XKRX: variants seen among roughly 807,000 people sequenced by gnomAD.
XKRX encodes XK related X-linked, also known as XK-related protein 2.
XKRX carries 11 observed loss-of-function variants against 22.4 expected under a neutral mutation model. The observed-to-expected ratio is 0.49, with a 90% CI of 0.31 to 0.81. XKRX has a LOEUF of 0.81. Among genes scored for constraint, XKRX ranks in the 40% least tolerant of loss-of-function variants. The pLI is 0.05. For synonymous variants in XKRX, 114 were observed against 132.2 expected (o/e 0.86, Z 0.94); for missense variants, 320 against 336.5 (o/e 0.95, Z 0.38).
At chrX:100,936,878 C>A in the XKRX span, among the ~76,000 whole-genome samples, 3 of 109,713 alleles carry the variant, frequency 2.7e-5, no homozygotes, top group Non-Finnish European at 5.7e-5. Context: ...CCCCACCCCC[C>A]ACACGTGGAA....
downstream of XKRX, among the ~76,000 whole-genome samples, chrX:100,912,202 G>A (rs141566772): frequency 4.4e-3 from 495 of 111,648 alleles, 5 homozygotes; most frequent in African/African-American, 0.016. Flanking sequence ...TCTTCTGGAG[G>A]TCTGATAGAT....
At chrX:100,957,451 C>T in the XKRX span, 2 of 1,191,404 alleles carry the variant, frequency 1.7e-6, no homozygotes, top group East Asian at 5.9e-5. Context: ...GCCTCTCGCT[C>T]CCACCTGGGA....
chrX:100,930,368 G>T (rs2085517545), upstream of XKRX, among the ~76,000 whole-genome samples: 1 of 110,007 alleles, frequency 9.1e-6, no homozygotes, highest in South Asian at 3.9e-4. Flanking sequence ...TCCTTTTGCT[G>T]CAGGAAGTCA....
At chrX:100,925,349 T>G (rs1294319472) in intron 1 of XKRX, among the ~76,000 whole-genome samples, 1 of 112,369 alleles carries the variant, frequency 8.9e-6, no homozygotes, top group Non-Finnish European at 1.9e-5. Context: ...CACCTTCATG[T>G]GCCTGATAAC....
rs1303193319 is a variant in XKRX at position 100,922,133 on chromosome X, C to T, written c.604+660G>A. Reference sequence around the variant, plus strand: ...CAGGCTTGAACCACCGTGCCCAGCCCACGCTCCTTTTCTTTCTCTCCACTG... The same window carrying T: ...CAGGCTTGAACCACCGTGCCCAGCCTACGCTCCTTTTCTTTCTCTCCACTG... On this transcript the variant is annotated intron_variant, in intron 2 of 2. Coordinates refer to ENST00000372956, the MANE Select transcript of XKRX (RefSeq NM_212559.3). Among the ~76,000 whole-genome samples the T allele has an allele frequency of 2.7e-5, 3 of 110,872 alleles. No homozygotes were observed. In the Admixed American group the frequency reaches 2.9e-4, roughly 11 times the overall value.
chrX:100,928,326 T>G lies in XKRX; in HGVS notation c.-22A>C, dbSNP rs779108815. 10 of 1,197,756 alleles carry G rather than the reference T, an allele frequency of 8.3e-6. No homozygotes were observed. In the African/African-American group the frequency reaches 1.1e-4, roughly 13 times the overall value. ...CCATTGTCGAGGTTCTTTCTGAATGTTGTGGTCTTGTGTTCATAGCACCCT... is the reference window on the plus strand; with the variant it reads ...CCATTGTCGAGGTTCTTTCTGAATGGTGTGGTCTTGTGTTCATAGCACCCT... On this transcript the variant is annotated 5_prime_UTR_variant, in exon 1 of 3. Transcript: ENST00000372956.
chrX:100,888,863 G>T, the XKRX span, among the ~76,000 whole-genome samples: 1 of 110,595 alleles, frequency 9.0e-6, no homozygotes, highest in East Asian at 2.8e-4. Context: ...GAAGGCAAGA[G>T]TTATATGTTG....
intron 2 of XKRX, among the ~76,000 whole-genome samples, chrX:100,918,592 A>G (rs1306285553): frequency 1.8e-5 from 2 of 111,867 alleles, no homozygotes; most frequent in Admixed American, 9.5e-5. Flanking sequence ...TTCCAATCCA[A>G]TCTTTGCTTA....
the XKRX span, among the ~76,000 whole-genome samples, chrX:100,895,046 C>T: frequency 8.9e-6 from 1 of 111,826 alleles, no homozygotes; most frequent in South Asian, 3.7e-4. Context: ...TGGATTAAAA[C>T]TAATTAACAA....
intron 2 of XKRX, among the ~76,000 whole-genome samples, chrX:100,917,323 C>A (rs1464865626): frequency 9.1e-6 from 1 of 109,357 alleles, no homozygotes; most frequent in Non-Finnish European, 1.9e-5. Context: ...AATTAGAAAT[C>A]CTTGGTTCCA....
At chrX:100,915,709 CGT>C (rs1210429753) in intron 2 of XKRX, among the ~76,000 whole-genome samples, 14 of 55,566 alleles carry the variant, frequency 2.5e-4, no homozygotes, top group South Asian at 8.2e-4. Flanking sequence ...TGTGTGTGTG[CGT>C]GTGTGTGTGT....
chrX:100,910,926 C>T (rs2085404882), downstream of XKRX: 3 of 574,028 alleles, frequency 5.2e-6, no homozygotes, highest in East Asian at 3.3e-5. Context: ...AAGAGAAACA[C>T]CAAACACAAG....
the XKRX span, among the ~76,000 whole-genome samples, chrX:100,955,315 G>C: frequency 3.2e-3 from 362 of 111,850 alleles, 1 homozygote; most frequent in African/African-American, 0.011. Context: ...CTAAAACTGG[G>C]TGAAGGGTAC....
intron 2 of XKRX, among the ~76,000 whole-genome samples, chrX:100,917,722 G>GAAAGAAATAAATAAATAAAT (rs772047288): frequency 1.3e-5 from 1 of 74,991 alleles, no homozygotes; most frequent in Non-Finnish European, 3.0e-5. Context: ...AAGAAAGAAA[G>GAAAGAAATAAATAAATAAAT]AAATCCTTGG....
At chrX:100,942,600 C>T in the XKRX span, among the ~76,000 whole-genome samples, 1 of 111,807 alleles carries the variant, frequency 8.9e-6, no homozygotes, top group African/African-American at 3.2e-5. Flanking sequence ...TACATGAAAA[C>T]CTATGTTGTT....
At chrX:100,951,059 C>T in the XKRX span, among the ~76,000 whole-genome samples, 12 of 108,492 alleles carry the variant, frequency 1.1e-4, no homozygotes, top group Non-Finnish European at 2.3e-4. Flanking sequence ...ATAGTGAAAC[C>T]GTGTCTGTAC....
chrX:100,891,139 T>A, the XKRX span, among the ~76,000 whole-genome samples: 275 of 111,774 alleles, frequency 2.5e-3, 1 homozygote, highest in African/African-American at 8.7e-3. Flanking sequence ...GTTGCAAATA[T>A]CTCATAAGAT....
intron 1 of XKRX, 150 bp from the exon 2 acceptor site, chrX:100,923,211 G>A (rs1171360588): frequency 1.5e-6 from 1 of 670,946 alleles, no homozygotes; most frequent in East Asian, 3.5e-5. Flanking sequence ...GAGTGCAGTG[G>A]CACAATCATA....
chrX:100,909,902 C>CAAAAAAAAAA (rs5903174), downstream of XKRX, among the ~76,000 whole-genome samples: 1 of 34,550 alleles, frequency 2.9e-5, no homozygotes, highest in African/African-American at 8.6e-5. Context: ...GACTCCATCT[C>CAAAAAAAAAA]AAAAAAAAAA....
Sources: allele counts gnomAD v4.1 joint callset (sites outside exome capture counted in the v4.1 genomes callset), GRCh38; gene constraint gnomAD v4.1.1; transcripts MANE v1.5; gene names NCBI Gene and HGNC (gene_info 2026-07-23, HGNC 2026-07-21).